The following SLC24A5 variants were observed in gnomAD, a reference collection of about 807,000 sequenced individuals.
The protein encoded by SLC24A5 is solute carrier family 24 member 5.
A neutral mutation model predicts 51.6 loss-of-function variants in SLC24A5; 46 were observed. That is an observed-to-expected ratio of 0.89 (90% CI 0.70 to 1.14). The LOEUF (loss-of-function observed/expected upper bound fraction) is 1.14. SLC24A5 is among the 50% of genes most tolerant of loss of function. The probability of loss-of-function intolerance (pLI) is 0.00; values close to 1 mark genes in which losing one functional copy is unlikely to be tolerated. For synonymous variants in SLC24A5, 230 were observed against 214.9 expected (o/e 1.07, Z -0.62); for missense variants, 581 against 604.1 (o/e 0.96, Z 0.40).
chr15:48,134,933 C>A lies in SLC24A5; in HGVS notation c.539C>A (p.Thr180Lys). 1.2e-6 allele frequency: 2 copies of A among 1,612,510 alleles called. No individual in the cohort carries two copies. Among genetic ancestry groups the A allele is most frequent in the Non-Finnish European group, 1.7e-6 (2 of 1,178,940 alleles). ...WPLFRDCAAY[T>K]ISAAAVLGII... ...CTATTCAGAGACTGTGCAGCGTACACAATTAGTGCAGCAGCAGTTCTTGGT... is the reference window on the plus strand; with the variant it reads ...CTATTCAGAGACTGTGCAGCGTACAAAATTAGTGCAGCAGCAGTTCTTGGT... The change falls in exon 5 of 9, where the codon ACA becomes AAA. Residue 180 changes from threonine to lysine, a missense_variant. By Grantham distance (78) the Thr-to-Lys change is moderately conservative. Transcript: ENST00000341459.
chr15:48,142,150 C>G lies in SLC24A5; in HGVS notation c.1302C>G (p.Asn434Lys). The change falls in exon 9 of 9, where the codon AAC becomes AAG. Residue 434 changes from asparagine (N) to lysine (K), a missense_variant. Asn to Lys is a moderately conservative substitution (Grantham distance 94, BLOSUM62 0). Coordinates refer to ENST00000341459, the MANE Select transcript of SLC24A5 (RefSeq NM_205850.3). The part of the protein sequence containing the change: ...FINGSAPAEV[N>K]SRGLTYITIS... ...ATGGATCAGCTCCTGCAGAAGTAAA[C>G]AGCAGAGGACTAACTTACATAACCA... 1 of 1,613,850 alleles carries G rather than the reference C, an allele frequency of 6.2e-7. No homozygotes were observed. The highest frequency in any genetic ancestry group is 8.5e-7 in the Non-Finnish European group (1 of 1,179,874).
chr15:48,140,203 T>C (rs1018419125), intron 7 of SLC24A5: 4 of 152,058 alleles, frequency 2.6e-5, no homozygotes, highest in South Asian at 2.1e-4. Flanking sequence ...GCAAAAATCA[T>C]GTAATAGATC....
intron 5 of SLC24A5, chr15:48,136,419 G>C (rs1233813602): frequency 9.8e-6 from 3 of 305,940 alleles, no homozygotes; most frequent in African/African-American, 2.2e-5. Flanking sequence ...CTATCATTTG[G>C]AAGGAATCTA....
intron 2 of SLC24A5, chr15:48,123,537 A>G (rs2038700993): frequency 6.6e-6 from 1 of 152,210 alleles, no homozygotes; most frequent in African/African-American, 2.4e-5. Context: ...CCATGATTCT[A>G]TAAATGATTT....
chr15:48,135,099 A>T (rs2038864205), intron 5 of SLC24A5, 115 bp downstream of exon 5: 1 of 710,216 alleles, frequency 1.4e-6, no homozygotes. Context: ...CTTCTATACC[A>T]TATTCCAACA....
chr15:48,128,127 T>A (rs960973060), intron 2 of SLC24A5, among the ~76,000 whole-genome samples: 2 of 152,030 alleles, frequency 1.3e-5, no homozygotes, highest in Non-Finnish European at 2.9e-5. Flanking sequence ...TTTTGATATG[T>A]AATGGGGATC....
chr15:48,136,460 T>TA (rs2038901732), intron 5 of SLC24A5: 7 of 377,664 alleles, frequency 1.9e-5, no homozygotes, highest in South Asian at 1.3e-4. Context: ...GATCTTGTTT[T>TA]TAAAAAAAAA....
At chr15:48,127,508 C>T (rs2038743667) in intron 2 of SLC24A5, among the ~76,000 whole-genome samples, 1 of 152,080 alleles carries the variant, frequency 6.6e-6, no homozygotes, top group African/African-American at 2.4e-5. Context: ...TTAAAGTATA[C>T]CTTAAATATC....
At chr15:48,128,417 TA>T (rs765412253) in intron 2 of SLC24A5, among the ~76,000 whole-genome samples, 55 of 152,332 alleles carry the variant, frequency 3.6e-4, no homozygotes, top group Non-Finnish European at 7.8e-4. Context: ...CTTTTTATTT[TA>T]AAAAATTTTC....
intron 8 of SLC24A5, chr15:48,141,811 A>G (rs560696854): frequency 1.5e-5 from 5 of 329,400 alleles, no homozygotes; most frequent in Non-Finnish European, 2.7e-5. Context: ...TTATTGAAAA[A>G]TGGTTTAATA....
intron 8 of SLC24A5, 129 bp from the exon 9 acceptor site, chr15:48,141,900 T>C: frequency 1.6e-6 from 1 of 624,964 alleles, no homozygotes; most frequent in South Asian, 3.6e-5. Context: ...AGTAAGACTT[T>C]TGCTCTAACA....
Position 48,121,877 on chromosome 15 carries a change from A to G in SLC24A5, c.142A>G (p.Ile48Val). 6.2e-7 allele frequency: 1 copy of G among 1,614,144 alleles called. No individual in the cohort carries two copies. The highest frequency in any genetic ancestry group is 1.1e-5 in the South Asian group (1 of 91,082). ...AACAGGAAATAGCACCCAATGTGTT[A>G]TTTCTCCATCATCGGAGTTTCCCGA... Reference protein sequence around the residue: ...RATGNSTQCVISPSSEFPEGF... With the variant: ...RATGNSTQCVVSPSSEFPEGF... Residue 48 changes from isoleucine (I) to valine (V), a missense_variant, in exon 2 of 9, where the codon ATT becomes GTT. Transcript: ENST00000341459.
In SLC24A5 at chr15:48,121,102, T is replaced by C; in HGVS notation, c.58T>C (p.Trp20Arg). 6.2e-7 allele frequency: 1 copy of C among 1,613,914 alleles called. No homozygotes were observed. The highest frequency in any genetic ancestry group is 8.5e-7 in the Non-Finnish European group (1 of 1,179,904). Residue 20 changes from tryptophan (W) to arginine (R), a missense_variant, in exon 1 of 9, where the codon TGG becomes CGG. Coordinates refer to ENST00000341459, the MANE Select transcript of SLC24A5 (RefSeq NM_205850.3). ...ARRALLLGIL[W>R]ATAHLPLSGT... The stretch of plus-strand genomic sequence containing the variant: ...AAGGGCTCTGTTGCTCGGCATCCTG[T>C]GGGCCACTGCACATCTGCCTCTCTC...
chr15:48,128,893 C>T (rs552299015), intron 2 of SLC24A5, among the ~76,000 whole-genome samples: 1 of 152,126 alleles, frequency 6.6e-6, no homozygotes, highest in Non-Finnish European at 1.5e-5. Flanking sequence ...ACTTTGCCCA[C>T]ATGGATAGCT....
At chr15:48,136,473 AAC>A (rs2140739466) in intron 5 of SLC24A5, 1 of 395,984 alleles carries the variant, frequency 2.5e-6, no homozygotes, top group Admixed American at 4.5e-5. Flanking sequence ...AAAAAAAAAA[AAC>A]AACACAGAAG....
chr15:48,132,703 G>T (rs187002020), intron 2 of SLC24A5, among the ~76,000 whole-genome samples: 1 of 152,208 alleles, frequency 6.6e-6, no homozygotes, highest in Admixed American at 6.6e-5. Flanking sequence ...TCTCTCATAT[G>T]TCTGGTGCCT....
At chr15:48,141,961 C>T (rs2039104784) in intron 8 of SLC24A5, 68 bp from the exon 9 acceptor site, 2 of 1,178,834 alleles carry the variant, frequency 1.7e-6, no homozygotes, top group Non-Finnish European at 1.2e-6. Context: ...TGTTTCTTTT[C>T]TTATGAAGAT....
At chr15:48,133,016 G>A (rs16960624) in intron 2 of SLC24A5, among the ~76,000 whole-genome samples, 4,131 of 151,972 alleles carry the variant, frequency 0.027, 203 homozygotes, top group African/African-American at 0.095. Context: ...CTCAAATGCC[G>A]TCCCAGCAGA....
intron 4 of SLC24A5, 28 bp from the exon 5 acceptor site, chr15:48,134,856 A>C (rs757159427): frequency 1.5e-5 from 22 of 1,504,760 alleles, no homozygotes; most frequent in Non-Finnish European, 1.9e-5. Context: ...TTACAATGTA[A>C]TGGAAATAAT....
Sources: allele counts gnomAD v4.1 joint callset (sites outside exome capture counted in the v4.1 genomes callset), GRCh38; gene constraint gnomAD v4.1.1; transcripts MANE v1.5; gene names NCBI Gene and HGNC (gene_info 2026-07-23, HGNC 2026-07-21).